The following XRCC4 variants were observed in gnomAD, a reference collection of about 807,000 sequenced individuals.
XRCC4 encodes DNA repair protein XRCC4.
A neutral mutation model predicts 39.1 loss-of-function variants in XRCC4; 28 were observed. That is an observed-to-expected ratio of 0.72 (90% CI 0.53 to 0.98). The LOEUF (loss-of-function observed/expected upper bound fraction) is 0.98, where lower values mean the gene tolerates loss of function less well. Ranked by LOEUF, XRCC4 falls within the 50% of genes least tolerant of loss-of-function variation. XRCC4 has a pLI of 0.00. For synonymous variants in XRCC4, 123 were observed against 126.4 expected, an observed-to-expected ratio of 0.97 and a Z score of 0.18; for missense variants, 350 against 376.4, an observed-to-expected ratio of 0.93 and a Z score of 0.58.
At chr5:83,083,375 ATTT>A (rs576959639) in intron 1 of XRCC4, among the ~76,000 whole-genome samples, 2 of 126,868 alleles carry the variant, frequency 1.6e-5, no homozygotes, top group African/African-American at 3.1e-5. Flanking sequence ...TGAATCTGTA[ATTT>A]TTTTTTTTTT....
chr5:83,274,862 A>C (rs1023322107), intron 7 of XRCC4, among the ~76,000 whole-genome samples: 17 of 152,222 alleles, frequency 1.1e-4, no homozygotes, highest in African/African-American at 3.9e-4. Flanking sequence ...TTCAAAGTAT[A>C]ATGGTAAATT....
intron 3 of XRCC4, among the ~76,000 whole-genome samples, chr5:83,177,383 G>A (rs1056148973): frequency 6.7e-6 from 1 of 150,274 alleles, no homozygotes; most frequent in Non-Finnish European, 1.5e-5. Flanking sequence ...CCCAAGCTCT[G>A]TTAGGTAGTA....
At position 83,077,570 on chromosome 5, in the gene XRCC4, T is replaced by C. The variant is rs2112258276; in HGVS notation, c.-56T>C. On this transcript the variant is annotated 5_prime_UTR_variant, in exon 1 of 8. Coordinates refer to ENST00000396027, the MANE Select transcript of XRCC4 (RefSeq NM_003401.5). ...TCATTGGTTGCAAAACCTTGATCTG[T>C]GAAAGCGGGCGTTTTGGAAGATACC... The C allele has an allele frequency of 3.8e-6, 2 of 528,328 alleles. No individual in the cohort carries two copies. The highest frequency in any genetic ancestry group is 2.5e-5 in the South Asian group (1 of 39,906). 32.7% of individuals were successfully genotyped at this position (528,328 alleles called of 1,614,324 possible).
chr5:83,100,845 C>T (rs1745899083), intron 1 of XRCC4, among the ~76,000 whole-genome samples: 1 of 151,990 alleles, frequency 6.6e-6, no homozygotes, highest in Non-Finnish European at 1.5e-5. Flanking sequence ...TTAAGGATTA[C>T]AGAGCATGTG....
At chr5:83,365,887 G>A in the XRCC4 span, among the ~76,000 whole-genome samples, 5 of 152,134 alleles carry the variant, frequency 3.3e-5, no homozygotes. Context: ...GTCTTCCCTT[G>A]GTTTTCAAAA....
intron 6 of XRCC4, among the ~76,000 whole-genome samples, chr5:83,223,831 C>T (rs939938188): frequency 1.0e-5 from 1 of 99,124 alleles, no homozygotes; most frequent in Non-Finnish European, 1.9e-5. Flanking sequence ...TCCCTCCCCC[C>T]TCCCCCCACC....
At chr5:83,286,233 T>A (rs951051176) in intron 7 of XRCC4, among the ~76,000 whole-genome samples, 10 of 152,074 alleles carry the variant, frequency 6.6e-5, no homozygotes, top group Non-Finnish European at 1.5e-4. Context: ...AAGAAGCTCT[T>A]CTCTAACTTT....
rs532588891 is a variant in XRCC4 at position 83,084,961 on chromosome 5, G to A, written c.-11+7346G>A. Among the ~76,000 whole-genome samples, 21 of 152,186 alleles carry A rather than the reference G, an allele frequency of 1.4e-4. No individual in the cohort carries two copies. In the East Asian group the frequency reaches 2.5e-3, roughly 18 times the overall value. On this transcript the variant is annotated intron_variant, in intron 1 of 7. Coordinates refer to ENST00000396027, the MANE Select transcript of XRCC4 (RefSeq NM_003401.5). ...AAAAGGCTTCCACATTAGTAATGTCGTTGCAAATGATAATTAGGCTTGAGA... is the reference window on the plus strand; with the variant it reads ...AAAAGGCTTCCACATTAGTAATGTCATTGCAAATGATAATTAGGCTTGAGA...
At chr5:83,275,884 A>G (rs1754315030) in intron 7 of XRCC4, among the ~76,000 whole-genome samples, 1 of 152,236 alleles carries the variant, frequency 6.6e-6, no homozygotes. Context: ...AATGGATTGT[A>G]GCATTTGTGG....
At chr5:83,315,325 C>A (rs76688802) in intron 7 of XRCC4, among the ~76,000 whole-genome samples, 3 of 152,070 alleles carry the variant, frequency 2.0e-5, no homozygotes, top group African/African-American at 7.2e-5. Flanking sequence ...GGAAAGAAGC[C>A]ATTTATAACA....
At chr5:83,349,616 A>G (rs1046678376) in intron 7 of XRCC4, among the ~76,000 whole-genome samples, 1 of 152,214 alleles carries the variant, frequency 6.6e-6, no homozygotes, top group African/African-American at 2.4e-5. Flanking sequence ...GAATCTATTT[A>G]TCCTTCAGTC....
At chr5:83,167,881 C>T (rs1749555308) in intron 3 of XRCC4, among the ~76,000 whole-genome samples, 1 of 152,086 alleles carries the variant, frequency 6.6e-6, no homozygotes, top group African/African-American at 2.4e-5. Context: ...CTAATATATT[C>T]AGCAGCCACA....
chr5:83,207,027 A>G (rs28360160), intron 6 of XRCC4, among the ~76,000 whole-genome samples: 3,829 of 152,250 alleles, frequency 0.025, 87 homozygotes, highest in East Asian at 0.07. Flanking sequence ...TGGGAATGAA[A>G]TTTCTTTTCA....
At chr5:83,211,708 T>A (rs1163043330) in intron 6 of XRCC4, among the ~76,000 whole-genome samples, 2 of 152,212 alleles carry the variant, frequency 1.3e-5, no homozygotes, top group Non-Finnish European at 2.9e-5. Flanking sequence ...GTCAAAACTG[T>A]CTAGACACAG....
chr5:83,152,557 C>T (rs188026883), intron 3 of XRCC4, among the ~76,000 whole-genome samples: 2 of 148,694 alleles, frequency 1.3e-5, no homozygotes, highest in African/African-American at 2.5e-5. Context: ...TGCTTGAACC[C>T]GGGAGGCAGA....
downstream of XRCC4, among the ~76,000 whole-genome samples, chr5:83,355,668 C>T (rs117603349): frequency 3.4e-3 from 519 of 152,308 alleles, 16 homozygotes; most frequent in East Asian, 0.078. Flanking sequence ...GAGACAGAGC[C>T]TCACACCATC....
At chr5:83,278,011 G>A (rs1754395494) in intron 7 of XRCC4, among the ~76,000 whole-genome samples, 1 of 152,166 alleles carries the variant, frequency 6.6e-6, no homozygotes, top group Admixed American at 6.5e-5. Context: ...GCAGGTAGTA[G>A]GAGTAGGTTT....
chr5:83,155,110 A>G (rs1040538957), intron 3 of XRCC4, among the ~76,000 whole-genome samples: 12 of 152,194 alleles, frequency 7.9e-5, no homozygotes, highest in African/African-American at 2.7e-4. Context: ...TTCAACAAGC[A>G]TATCTAATAT....
chr5:83,090,558 T>G (rs1294278160), intron 1 of XRCC4, among the ~76,000 whole-genome samples: 1 of 152,134 alleles, frequency 6.6e-6, no homozygotes, highest in Non-Finnish European at 1.5e-5. Flanking sequence ...CCAATTCAAA[T>G]TTTTATAGAG....
Sources: gnomAD v4.1 joint callset for allele counts (sites outside exome capture counted in the v4.1 genomes callset) on GRCh38, gnomAD v4.1.1 for gene constraint, MANE v1.5 for transcripts, NCBI Gene and HGNC (gene_info 2026-07-23, HGNC 2026-07-21) for gene names.